ADAMTS8: variants seen among roughly 807,000 people sequenced by gnomAD.
ADAMTS8 encodes A disintegrin and metalloproteinase with thrombospondin motifs 8.
In ADAMTS8, 50 loss-of-function variants were observed where a neutral mutation model predicts 64.4. That is an observed-to-expected ratio of 0.78 (90% CI 0.62 to 0.98). The LOEUF is 0.98. ADAMTS8 is among the 50% of genes least tolerant of loss of function. The pLI, the probability that ADAMTS8 is intolerant of heterozygous loss-of-function variation, is 0.00. For synonymous variants in ADAMTS8, 556 were observed against 533.6 expected (o/e 1.04, Z -0.58); for missense variants, 1,192 against 1,208.2 (o/e 0.99, Z 0.20).
Position 130,427,768 on chromosome 11 carries a change from C to T in ADAMTS8, c.519G>A (p.Glu173=), listed in dbSNP as rs1484018207. 20 of 1,593,152 alleles carry T rather than the reference C, an allele frequency of 1.3e-5. No individual in the cohort carries two copies. The highest frequency in any genetic ancestry group is 1.7e-5 in the Non-Finnish European group (20 of 1,170,898). ...RGPEWEVETG[E]GQRQERGDHQ... is the part of the protein sequence containing the mutation. ...GGTCTCCTCTCTCCTGCCTCTGACC[C>T]TCTCCCGTCTCCACCTCCCACTCGG... The change falls in exon 1 of 9, where the codon GAG becomes GAA. Residue 173 remains glutamate (E), a synonymous_variant. Coordinates refer to ENST00000257359, the MANE Select transcript of ADAMTS8 (RefSeq NM_007037.6).
chr11:130,427,435 AGAT>A, intron 1 of ADAMTS8, 129 bp downstream of exon 1: 1 of 1,103,314 alleles, frequency 9.1e-7, no homozygotes, highest in Middle Eastern at 3.1e-4. Context: ...AGGCTGGAGA[AGAT>A]GAGTGGGGAG....
Position 130,417,076 on chromosome 11 carries a change from C to T in ADAMTS8, c.961-1G>A. On this transcript the variant is annotated splice_acceptor_variant, in intron 2 of 8. Transcript: ENST00000257359. LOFTEE classifies it high-confidence loss of function. The stretch of plus-strand genomic sequence containing the variant: ...ACAGCCCCTCCTGCCCACAGAAGTT[C>T]TGCGTGGCGGGGAGAGAGCAAGAGA... The T allele has an allele frequency of 1.2e-6, 2 of 1,613,838 alleles. No homozygotes were observed. Among genetic ancestry groups the T allele is most frequent in the Non-Finnish European group, 1.7e-6 (2 of 1,179,980 alleles).
At position 130,411,856 on chromosome 11, in the gene ADAMTS8, C is replaced by G; in HGVS notation, c.1567-256G>C. On this transcript the variant is annotated intron_variant, in intron 5 of 8. Coordinates refer to ENST00000257359, the MANE Select transcript of ADAMTS8 (RefSeq NM_007037.6). This position sits in a 1 kb window ranked among gnomAD's most constrained non-coding sequence, Gnocchi z 4.2. ...AGTGCCTTATGCTTAGTAAGGTGCT[C>G]AATAGGCTATCTGCTGAATGAATGA... is the stretch of plus-strand genomic sequence containing the variant. 1 of 492,450 alleles carries G rather than the reference C, an allele frequency of 2.0e-6. No individual in the cohort carries two copies. The highest frequency in any genetic ancestry group is 3.6e-6 in the Non-Finnish European group (1 of 277,940). The allele number at this position is 492,450 out of a possible 1,614,324, so 30.5% of individuals were successfully genotyped here.
In ADAMTS8 at chr11:130,414,724, G is replaced by T. The variant is rs144822280; in HGVS notation, c.1373C>A (p.Pro458Gln). The change falls in exon 5 of 9, where the codon CCG (proline) becomes CAG (glutamine). Residue 458 changes from proline to glutamine, a missense_variant. Transcript: ENST00000257359. ...GGTGTTGGGGCAGTGGCGGAAATCC[G>T]GCCCAAAGATCTGCCTGCACTGCTG... Reference protein sequence around the residue: ...LDQQCRQIFGPDFRHCPNTSA... With the variant: ...LDQQCRQIFGQDFRHCPNTSA... The T allele has an allele frequency of 7.9e-5, 128 of 1,613,734 alleles. No homozygotes were observed. The African/African-American group carries it at 1.2e-3, about 15-fold the overall frequency.
intron 1 of ADAMTS8, among the ~76,000 whole-genome samples, chr11:130,423,455 C>T (rs891215095): frequency 4.6e-5 from 7 of 152,086 alleles, no homozygotes; most frequent in African/African-American, 1.2e-4. Flanking sequence ...GAGGGAAAGA[C>T]GGTAGTATTA....
In ADAMTS8 at chr11:130,416,186, GTGAGATA is replaced by G. The variant is rs1191685912; in HGVS notation, c.1234_1240del (p.Tyr412GlnfsTer229). On this transcript the variant is annotated frameshift_variant, in exon 4 of 9. Coordinates refer to ENST00000257359, the MANE Select transcript of ADAMTS8 (RefSeq NM_007037.6). LOFTEE classifies it high-confidence loss of function. The surrounding 1 kb of genome is among the most constrained non-coding windows in gnomAD (Gnocchi z 4.8). ...ACCGTGCCCGCCGTCCAGAAGCTCT[GTGAGATA>G]CATGGCGCTGCAGGGGGACCAGGGC... 1 of 1,595,236 alleles carries G rather than the reference GTGAGATA, an allele frequency of 6.3e-7. No individual in the cohort carries two copies. The highest frequency in any genetic ancestry group is 8.5e-7 in the Non-Finnish European group (1 of 1,171,030).
Position 130,411,375 on chromosome 11 carries a change from A to G in ADAMTS8, c.1750+42T>C. The G allele has an allele frequency of 2.5e-6, 4 of 1,596,888 alleles. No homozygotes were observed. The highest frequency in any genetic ancestry group is 3.4e-6 in the Non-Finnish European group (4 of 1,170,614). ...CCTCTGGGGATGCGTCATAGCAATG[A>G]TAGTAGCTGCTCTGGCAGGGGCGGC... On this transcript the variant is annotated intron_variant, in intron 6 of 8. Transcript: ENST00000257359. The surrounding 1 kb of genome is among the most constrained non-coding windows in gnomAD (Gnocchi z 4.2).
In ADAMTS8 at chr11:130,428,266, G is replaced by A. The variant is rs1194618129; in HGVS notation, c.21C>T (p.Ala7=). MLPAPA[A]PRWPPLLLLL... ...GCAGCAGGAGCGGAGGCCACCGGGG[G>A]GCGGCGGGGGCGGGGAGCATGGGGG... Residue 7 remains alanine, a synonymous_variant, in exon 1 of 9, where the codon GCC becomes GCT. Transcript: ENST00000257359. 3 of 1,210,194 alleles carry A rather than the reference G, an allele frequency of 2.5e-6. No homozygotes were observed. The highest frequency in any genetic ancestry group is 3.1e-6 in the Non-Finnish European group (3 of 977,622). The allele number at this position is 1,210,194 out of a possible 1,614,324, so 75.0% of individuals were successfully genotyped here.
chr11:130,416,889 G>A lies in ADAMTS8; in HGVS notation c.1096+51C>T, dbSNP rs761791974. 3.1e-6 allele frequency: 5 copies of A among 1,612,524 alleles called. No homozygotes were observed. The South Asian group carries it at 5.5e-5, about 18-fold the overall frequency. On this transcript the variant is annotated intron_variant, in intron 3 of 8. Transcript: ENST00000257359. This position sits in a 1 kb window ranked among gnomAD's most constrained non-coding sequence, Gnocchi z 4.8. ...GATCTACGCAACCTTGGATCTGGAA[G>A]AGCAGTTCCCTCCGATGTGGTGAAG...
chr11:130,428,433 G>A lies in ADAMTS8; in HGVS notation c.-147C>T, dbSNP rs1447874504. ...AGGCCGACTCGGCCCGCGGGGCCCGGCGGCGGGAGCGCTCCCCCGGCGGCC... is the reference window on the plus strand; with the variant it reads ...AGGCCGACTCGGCCCGCGGGGCCCGACGGCGGGAGCGCTCCCCCGGCGGCC... On this transcript the variant is annotated 5_prime_UTR_variant, in exon 1 of 9. Coordinates refer to ENST00000257359, the MANE Select transcript of ADAMTS8 (RefSeq NM_007037.6). 2 of 1,062,004 alleles carry A rather than the reference G, an allele frequency of 1.9e-6. No homozygotes were observed. The highest frequency in any genetic ancestry group is 1.1e-6 in the Non-Finnish European group (1 of 881,790). The allele number at this position is 1,062,004 out of a possible 1,614,324, so 65.8% of individuals were successfully genotyped here.
At position 130,405,552 on chromosome 11, in the gene ADAMTS8, C is replaced by A; in HGVS notation, c.*6G>T. The A allele has an allele frequency of 1.3e-6, 2 of 1,589,766 alleles. No homozygotes were observed. The highest frequency in any genetic ancestry group is 8.6e-7 in the Non-Finnish European group (1 of 1,165,860). ...GGAGCACAAGACTGGCCCCTGCCCCCCTGAATCACAGGGGGCACAGCTGGC... is the reference window on the plus strand; with the variant it reads ...GGAGCACAAGACTGGCCCCTGCCCCACTGAATCACAGGGGGCACAGCTGGC... On this transcript the variant is annotated 3_prime_UTR_variant, in exon 9 of 9. Transcript: ENST00000257359.
At chr11:130,409,417 T>TG (rs767166935) in intron 6 of ADAMTS8, among the ~76,000 whole-genome samples, 2 of 152,164 alleles carry the variant, frequency 1.3e-5, no homozygotes, top group Non-Finnish European at 2.9e-5. Context: ...TGGGTGTCCC[T>TG]GGGGAGCTCC....
At chr11:130,415,603 C>T (rs906482023) in intron 4 of ADAMTS8, among the ~76,000 whole-genome samples, 4 of 104,802 alleles carry the variant, frequency 3.8e-5, no homozygotes, top group African/African-American at 1.1e-4. Flanking sequence ...GCACCTGGCC[C>T]TTTTTTTTTT....
chr11:130,426,341 C>T (rs1245535352), intron 1 of ADAMTS8, among the ~76,000 whole-genome samples: 1 of 152,216 alleles, frequency 6.6e-6, no homozygotes, highest in African/African-American at 2.4e-5. Flanking sequence ...CTTGTCTGGA[C>T]TATTCTGCAC....
chr11:130,416,247 G>T lies in ADAMTS8; in HGVS notation c.1180C>A (p.Pro394Thr). The T allele has an allele frequency of 3.2e-6, 5 of 1,586,040 alleles. No homozygotes were observed. The highest frequency in any genetic ancestry group is 4.3e-6 in the Non-Finnish European group (5 of 1,166,860). Residue 394 changes from proline to threonine, a missense_variant, in exon 4 of 9, where the codon CCG (proline) becomes ACG (threonine). By Grantham distance (38) the Pro-to-Thr change is conservative. This residue lies in a region of ADAMTS8 where 741 missense variants were observed against 710.6 expected (regional missense o/e 1.04). Transcript: ENST00000257359. The surrounding 1 kb of genome is among the most constrained non-coding windows in gnomAD (Gnocchi z 4.8). ...GTCTGGTTCAGGTGGACGAACAGCG[G>T]TGCCATCACGTGGTGCTTGCCCATG... Reference protein sequence around the residue: ...GPMGKHHVMAPLFVHLNQTLP... With the variant: ...GPMGKHHVMATLFVHLNQTLP...
In ADAMTS8 at chr11:130,411,765, G is replaced by T. The variant is rs1861956060; in HGVS notation, c.1567-165C>A. ...CATTTGTTTAATGACTGTGTGGCCT[G>T]CATGGCTTTGTGAGCACAGAGACCA... On this transcript the variant is annotated intron_variant, in intron 5 of 8. Transcript: ENST00000257359. The surrounding 1 kb of genome is among the most constrained non-coding windows in gnomAD (Gnocchi z 4.2). 2 of 576,056 alleles carry T rather than the reference G, an allele frequency of 3.5e-6. No homozygotes were observed. The highest frequency in any genetic ancestry group is 5.4e-6 in the Non-Finnish European group (2 of 369,646). 35.7% of individuals were successfully genotyped at this position (576,056 alleles called of 1,614,324 possible). A position where few individuals can be genotyped will look rare whatever the true frequency, so the allele number is the denominator to read the frequency against.
chr11:130,416,017 G>A lies in ADAMTS8; in HGVS notation c.1264+146C>T, dbSNP rs936814285. ...GGGGCCAGAAGAGCAGACTTCGGGG[G>A]TGGTGTGAATGCCCCAGCGTGGGAG... On this transcript the variant is annotated intron_variant, in intron 4 of 8. Transcript: ENST00000257359. The surrounding 1 kb of genome is among the most constrained non-coding windows in gnomAD (Gnocchi z 4.8). The A allele has an allele frequency of 7.6e-6, 7 of 916,826 alleles. No individual in the cohort carries two copies. Among genetic ancestry groups the A allele is most frequent in the Middle Eastern group, 3.6e-4 (1 of 2,800 alleles). The allele number at this position is 916,826 out of a possible 1,614,324, so 56.8% of individuals were successfully genotyped here.
In ADAMTS8 at chr11:130,411,849, A is replaced by T; in HGVS notation, c.1567-249T>A. ...CTAAAACAGTGCCTTATGCTTAGTA[A>T]GGTGCTCAATAGGCTATCTGCTGAA... On this transcript the variant is annotated intron_variant, in intron 5 of 8. Transcript: ENST00000257359. This position sits in a 1 kb window ranked among gnomAD's most constrained non-coding sequence, Gnocchi z 4.2. 1.9e-6 allele frequency: 1 copy of T among 514,934 alleles called. No individual in the cohort carries two copies. The highest frequency in any genetic ancestry group is 2.8e-5 in the South Asian group (1 of 35,630). The allele number at this position is 514,934 out of a possible 1,614,324, so 31.9% of individuals were successfully genotyped here.
In ADAMTS8 at chr11:130,427,599, A is replaced by G. The variant is rs1220208650; in HGVS notation, c.688T>C (p.Ser230Pro). 1 of 1,543,538 alleles carries G rather than the reference A, an allele frequency of 6.5e-7. No individual in the cohort carries two copies. Among genetic ancestry groups the G allele is most frequent in the South Asian group, 1.2e-5 (1 of 84,172 alleles). The change falls in exon 1 of 9, where the codon TCC (serine) becomes CCC (proline). Residue 230 changes from serine to proline, a missense_variant. This residue lies in a region of ADAMTS8 where 741 missense variants were observed against 710.6 expected (regional missense o/e 1.04). Transcript: ENST00000257359. ...FVETLLVADA[S>P]MAAFYGADLQ... ...TCGGCCCCGTAGAAGGCAGCCATGGACGCATCGGCCACCAGCAGCGTCTCC... is the reference window on the plus strand; with the variant it reads ...TCGGCCCCGTAGAAGGCAGCCATGGGCGCATCGGCCACCAGCAGCGTCTCC...
Sources: gnomAD v4.1 joint callset for allele counts (sites outside exome capture counted in the v4.1 genomes callset) on GRCh38, gnomAD v4.1.1 for gene constraint, gnomAD v4.1.1 regional missense constraint, Gnocchi (gnomAD v3.1) non-coding constraint, MANE v1.5 for transcripts, NCBI Gene and HGNC (gene_info 2026-07-23, HGNC 2026-07-21) for gene names.